The following FLACC1 variants were observed in gnomAD, a reference collection of about 807,000 sequenced individuals.
The protein encoded by FLACC1 is flagellum-associated coiled-coil domain-containing protein 1.
A neutral mutation model predicts 62.8 loss-of-function variants in FLACC1; 66 were observed. The ratio of observed to expected loss-of-function variants is 1.05; its 90% CI spans 0.86 to 1.29. The LOEUF (loss-of-function observed/expected upper bound fraction) is 1.29, where lower values mean the gene tolerates loss of function less well. Among genes scored for constraint, FLACC1 ranks in the 50% most tolerant of loss-of-function variants. The probability of loss-of-function intolerance (pLI) is 0.00; values close to 1 mark genes in which losing one functional copy is unlikely to be tolerated. For synonymous variants in FLACC1, 156 were observed against 161.0 expected (o/e 0.97, Z 0.24); for missense variants, 452 against 489.1 (o/e 0.92, Z 0.71).
At chr2:201,363,029 T>C in the FLACC1 span, among the ~76,000 whole-genome samples, 1 of 152,106 alleles carries the variant, frequency 6.6e-6, no homozygotes, top group Non-Finnish European at 1.5e-5. Context: ...CATATGTCAT[T>C]GCAGGGTGAC....
chr2:201,289,750 G>C lies in FLACC1; in HGVS notation c.978C>G (p.Ile326Met). 6.2e-7 allele frequency: 1 copy of C among 1,614,168 alleles called. No homozygotes were observed. Among genetic ancestry groups the C allele is most frequent in the South Asian group, 1.1e-5 (1 of 91,088 alleles). The change falls in exon 13 of 15, where the codon ATC (isoleucine) becomes ATG (methionine). Residue 326 changes from isoleucine (I) to methionine (M), a missense_variant. Coordinates refer to ENST00000392257, the MANE Select transcript of FLACC1 (RefSeq NM_001127391.3). ...MQEELHAQALILESLNTNLYY... is the reference protein window; with the variant it reads ...MQEELHAQALMLESLNTNLYY... ...AGAGGTTTGTGTTCAGTGACTCTAGGATAAGGGCTTGTGCATGCAATTCTT... is the reference window on the plus strand; with the variant it reads ...AGAGGTTTGTGTTCAGTGACTCTAGCATAAGGGCTTGTGCATGCAATTCTT...
intron 12 of FLACC1, among the ~76,000 whole-genome samples, chr2:201,297,223 T>C (rs927566546): frequency 1.2e-4 from 19 of 152,106 alleles, no homozygotes; most frequent in Admixed American, 1.2e-3. Flanking sequence ...AAATGGGCAG[T>C]TGGATGTACA....
At chr2:201,340,480 G>A (rs1950786496) in intron 7 of FLACC1, among the ~76,000 whole-genome samples, 1 of 152,136 alleles carries the variant, frequency 6.6e-6, no homozygotes, top group Non-Finnish European at 1.5e-5. Flanking sequence ...CTGACAACAA[G>A]TTTAGTTGCA....
intron 2 of FLACC1, 112 bp from the exon 3 acceptor site, chr2:201,350,894 T>A: frequency 1.2e-6 from 1 of 852,092 alleles, no homozygotes; most frequent in East Asian, 2.6e-5. Flanking sequence ...GAATGCATGA[T>A]CTGATAGCTG....
chr2:201,299,668 G>A (rs1249702807), intron 11 of FLACC1, among the ~76,000 whole-genome samples: 1 of 152,136 alleles, frequency 6.6e-6, no homozygotes, highest in African/African-American at 2.4e-5. Context: ...AAATTGACAA[G>A]CTAGTTCTAA....
At chr2:201,320,902 C>T (rs558052415) in intron 9 of FLACC1, among the ~76,000 whole-genome samples, 1 of 152,358 alleles carries the variant, frequency 6.6e-6, no homozygotes, top group South Asian at 2.1e-4. Flanking sequence ...TAAGCATCAC[C>T]TCTTGGCTGG....
rs553059464 is a variant in FLACC1, at chr2:201,293,604, T to G, written c.943-3819A>C. Among the ~76,000 whole-genome samples, 250 of 151,948 alleles carry G rather than the reference T, an allele frequency of 1.6e-3. 2 individuals carry two copies. Among genetic ancestry groups the G allele is most frequent in the African/African-American group, 5.8e-3 (242 of 41,394 alleles). Reference sequence around the variant, plus strand: ...AAAATTGACACCCTAACATCACAATTAAAAGAACTAGAGAAGCAAGAGCAA... The same window carrying G: ...AAAATTGACACCCTAACATCACAATGAAAAGAACTAGAGAAGCAAGAGCAA... On this transcript the variant is annotated intron_variant, in intron 12 of 14. Transcript: ENST00000392257.
chr2:201,322,300 C>T (rs889877072), intron 9 of FLACC1, among the ~76,000 whole-genome samples: 9 of 150,430 alleles, frequency 6.0e-5, no homozygotes, highest in Non-Finnish European at 1.0e-4. Context: ...GACGAAAATG[C>T]GTAAATAAAA....
intron 5 of FLACC1, among the ~76,000 whole-genome samples, chr2:201,345,200 C>T (rs1559418356): frequency 1.3e-5 from 2 of 152,196 alleles, no homozygotes; most frequent in African/African-American, 2.4e-5. Context: ...CTGCAGAGGG[C>T]TGTGGATAAG....
chr2:201,332,744 A>C (rs1950619565), intron 7 of FLACC1, among the ~76,000 whole-genome samples: 1 of 149,338 alleles, frequency 6.7e-6, no homozygotes, highest in Admixed American at 6.7e-5. Flanking sequence ...TTTAACCACC[A>C]TTTTACTCGC....
At chr2:201,330,449 A>T in intron 9 of FLACC1, 21 bp downstream of exon 9, 1 of 1,607,470 alleles carries the variant, frequency 6.2e-7, no homozygotes, top group African/African-American at 1.3e-5. Context: ...TTGTAATCCA[A>T]CAGGGAGCTG....
chr2:201,360,109 G>A (rs1951172381), upstream of FLACC1, among the ~76,000 whole-genome samples: 1 of 152,150 alleles, frequency 6.6e-6, no homozygotes, highest in Admixed American at 6.5e-5. Flanking sequence ...TTTTGGACAT[G>A]AGTAAAGCTT....
At chr2:201,325,370 A>G (rs949672581) in intron 9 of FLACC1, among the ~76,000 whole-genome samples, 1 of 152,160 alleles carries the variant, frequency 6.6e-6, no homozygotes, top group African/African-American at 2.4e-5. Flanking sequence ...TGAAACAAAA[A>G]GCTGGTTCTT....
At chr2:201,296,984 T>G (rs1480454786) in intron 12 of FLACC1, among the ~76,000 whole-genome samples, 2 of 151,622 alleles carry the variant, frequency 1.3e-5, no homozygotes, top group Middle Eastern at 3.5e-3. Flanking sequence ...ACAACAGAGT[T>G]GGAGGGACGT....
At chr2:201,310,892 C>A (rs1458699539) in intron 9 of FLACC1, among the ~76,000 whole-genome samples, 1 of 151,860 alleles carries the variant, frequency 6.6e-6, no homozygotes, top group African/African-American at 2.4e-5. Flanking sequence ...CGATAGAGTG[C>A]TAGCTACATT....
chr2:201,297,933 C>T lies in FLACC1; in HGVS notation c.942+1305G>A, dbSNP rs183708890. On this transcript the variant is annotated intron_variant, in intron 12 of 14. Coordinates refer to ENST00000392257, the MANE Select transcript of FLACC1 (RefSeq NM_001127391.3). The stretch of plus-strand genomic sequence containing the variant: ...AAAGGAAGTTAGTCATGTGGATATC[C>T]GGGAAAGAGCTTTTCAGGAAGAGAG... Among the ~76,000 whole-genome samples the T allele has an allele frequency of 2.0e-5, 3 of 152,106 alleles. No individual in the cohort carries two copies. The East Asian group carries it at 5.8e-4, about 29-fold the overall frequency.
intron 7 of FLACC1, 27 bp downstream of exon 7, chr2:201,342,343 C>T: frequency 2.5e-6 from 4 of 1,613,262 alleles, no homozygotes; most frequent in Non-Finnish European, 1.7e-6. Context: ...CATCAACACA[C>T]ACAAGGGTCC....
Position 201,348,189 on chromosome 2 carries a change from C to A in FLACC1, c.234+65G>T, listed in dbSNP as rs1275864721. 4 of 1,487,504 alleles carry A rather than the reference C, an allele frequency of 2.7e-6. No homozygotes were observed. In the Admixed American group the frequency reaches 7.6e-5, roughly 28 times the overall value. 92.1% of individuals were successfully genotyped at this position (1,487,504 alleles called of 1,614,324 possible). A position where few individuals can be genotyped will look rare whatever the true frequency, so the allele number is the denominator to read the frequency against. Reference sequence around the variant, plus strand: ...GGTAAGTATAAAAATGTAAAGGGCCCATGCTTGCACATAGTAGGCACTCAA... The same window carrying A: ...GGTAAGTATAAAAATGTAAAGGGCCAATGCTTGCACATAGTAGGCACTCAA... On this transcript the variant is annotated intron_variant, in intron 4 of 14. Transcript: ENST00000392257.
intron 12 of FLACC1, among the ~76,000 whole-genome samples, chr2:201,291,405 CA>C (rs1949731866): frequency 6.6e-6 from 1 of 152,238 alleles, no homozygotes. Context: ...TGCTGATACC[CA>C]GGCAAACAGG....
Sources: gnomAD v4.1 joint callset for allele counts (sites outside exome capture counted in the v4.1 genomes callset) on GRCh38, gnomAD v4.1.1 for gene constraint, MANE v1.5 for transcripts, NCBI Gene and HGNC (gene_info 2026-07-23, HGNC 2026-07-21) for gene names.